Variants in MYOZ2 observed in about 807,000 individuals in gnomAD.
The protein encoded by MYOZ2 is myozenin 2, also known as myozenin-2.
A neutral mutation model predicts 25.4 loss-of-function variants in MYOZ2; 19 were observed. The ratio of observed to expected loss-of-function variants is 0.75; its 90% CI spans 0.52 to 1.10. The LOEUF (loss-of-function observed/expected upper bound fraction) is 1.10. Ranked by LOEUF, MYOZ2 falls within the 50% of genes least tolerant of loss-of-function variation. MYOZ2 has a pLI of 0.00. For synonymous variants in MYOZ2, 92 were observed against 106.9 expected (o/e 0.86, Z 0.86); for missense variants, 270 against 317.9 (o/e 0.85, Z 1.15).
intron 5 of MYOZ2, among the ~76,000 whole-genome samples, chr4:119,181,592 T>C (rs996874707): frequency 6.6e-6 from 1 of 152,192 alleles, no homozygotes. Context: ...TGGAAAATAG[T>C]GGCTACTCAA....
intron 5 of MYOZ2, among the ~76,000 whole-genome samples, chr4:119,170,000 G>C (rs1451555015): frequency 6.6e-6 from 1 of 152,000 alleles, no homozygotes; most frequent in African/African-American, 2.4e-5. Flanking sequence ...TGTTGTCATG[G>C]TGGTGGTGAT....
intron 5 of MYOZ2, among the ~76,000 whole-genome samples, chr4:119,177,556 C>T (rs750217889): frequency 1.2e-4 from 19 of 152,194 alleles, no homozygotes; most frequent in Non-Finnish European, 2.6e-4. Flanking sequence ...CTACTCCTCA[C>T]TGTCAACCAA....
intron 5 of MYOZ2, among the ~76,000 whole-genome samples, chr4:119,178,731 C>T (rs997567741): frequency 6.6e-6 from 1 of 152,122 alleles, no homozygotes; most frequent in Non-Finnish European, 1.5e-5. Flanking sequence ...CTCAGCCTCC[C>T]GAGTAGGTGG....
chr4:119,166,563 A>G (rs140851122), intron 5 of MYOZ2, among the ~76,000 whole-genome samples: 10 of 152,250 alleles, frequency 6.6e-5, no homozygotes, highest in Non-Finnish European at 1.3e-4. Context: ...GACATTGTCT[A>G]GTACGTGCAT....
At chr4:119,174,012 C>T (rs1301827123) in intron 5 of MYOZ2, among the ~76,000 whole-genome samples, 1 of 152,250 alleles carries the variant, frequency 6.6e-6, no homozygotes, top group Non-Finnish European at 1.5e-5. Flanking sequence ...CGGGCCTTAG[C>T]TGCCTTCCCG....
intron 1 of MYOZ2, 56 bp downstream of exon 1, chr4:119,136,038 A>G (rs1441846293): frequency 5.6e-6 from 1 of 177,178 alleles, no homozygotes. Context: ...GGATATTCAG[A>G]GTTGTGACTC....
chr4:119,151,721 C>G (rs1214291084), intron 3 of MYOZ2, among the ~76,000 whole-genome samples: 1 of 152,098 alleles, frequency 6.6e-6, no homozygotes, highest in African/African-American at 2.4e-5. Context: ...GGGAAAATGG[C>G]TTTAAAATTC....
chr4:119,153,696 T>G (rs758726154), intron 3 of MYOZ2, among the ~76,000 whole-genome samples: 15 of 152,114 alleles, frequency 9.9e-5, no homozygotes, highest in Non-Finnish European at 1.9e-4. Flanking sequence ...CCCTGGTAAT[T>G]AATGCCATTT....
intron 5 of MYOZ2, among the ~76,000 whole-genome samples, chr4:119,180,843 A>G (rs1035081286): frequency 6.6e-6 from 1 of 152,166 alleles, no homozygotes; most frequent in East Asian, 1.9e-4. Flanking sequence ...GGCATGAGCC[A>G]TTGTGCCCAG....
At chr4:119,172,051 T>C (rs1010739895) in intron 5 of MYOZ2, among the ~76,000 whole-genome samples, 9 of 152,212 alleles carry the variant, frequency 5.9e-5, no homozygotes, top group African/African-American at 1.9e-4. Flanking sequence ...AATCGGCTTC[T>C]AAGTCTAATC....
intron 5 of MYOZ2, among the ~76,000 whole-genome samples, chr4:119,179,807 G>A (rs1394740905): frequency 2.0e-5 from 3 of 152,208 alleles, no homozygotes; most frequent in Non-Finnish European, 4.4e-5. Flanking sequence ...AGTGAACACT[G>A]TGTTCTCACA....
At position 119,140,799 on chromosome 4, in the gene MYOZ2, A is replaced by G. The variant is rs141909189; in HGVS notation, c.76+4198A>G. Among the ~76,000 whole-genome samples, 672 of 152,254 alleles carry G rather than the reference A, an allele frequency of 4.4e-3. 3 individuals are homozygous for G. The highest frequency in any genetic ancestry group is 0.016 in the African/African-American group (646 of 41,552). ...AATACATTGGTAATGTCATTTTTTGAATGTTTATAGATTTATACAGTTTTT... is the reference window on the plus strand; with the variant it reads ...AATACATTGGTAATGTCATTTTTTGGATGTTTATAGATTTATACAGTTTTT... On this transcript the variant is annotated intron_variant, in intron 2 of 5. Transcript: ENST00000307128.
At position 119,187,786 on chromosome 4, in the gene MYOZ2, T is replaced by G. The variant is rs890060132; in HGVS notation, c.*1586T>G. ...AAATAAAAATTAGGCATATTAATTATGCATTTTGATGAAATGGTTTAATTC... is the reference window on the plus strand; with the variant it reads ...AAATAAAAATTAGGCATATTAATTAGGCATTTTGATGAAATGGTTTAATTC... On this transcript the variant is annotated 3_prime_UTR_variant, in exon 6 of 6. Coordinates refer to ENST00000307128, the MANE Select transcript of MYOZ2 (RefSeq NM_016599.5). 2.6e-5 allele frequency: 4 copies of G among 152,188 alleles called. No homozygotes were observed. Among genetic ancestry groups the G allele is most frequent in the Admixed American group, 2.0e-4 (3 of 15,282 alleles). 9.4% of individuals were successfully genotyped at this position (152,188 alleles called of 1,614,324 possible). A position where few individuals can be genotyped will look rare whatever the true frequency, so the allele number is the denominator to read the frequency against.
chr4:119,142,608 A>C (rs1741181358), intron 2 of MYOZ2, among the ~76,000 whole-genome samples: 1 of 152,176 alleles, frequency 6.6e-6, no homozygotes, highest in Non-Finnish European at 1.5e-5. Flanking sequence ...CCTTTTCCAT[A>C]GGCTATTTCT....
intron 5 of MYOZ2, among the ~76,000 whole-genome samples, chr4:119,176,445 G>T (rs1215947340): frequency 1.3e-5 from 2 of 152,048 alleles, no homozygotes; most frequent in Non-Finnish European, 2.9e-5. Flanking sequence ...CTGGTCTTGA[G>T]CTCCCTACCT....
chr4:119,185,875 T>C, intron 5 of MYOZ2, 91 bp from the exon 6 acceptor site: 1 of 1,082,852 alleles, frequency 9.2e-7, no homozygotes, highest in Non-Finnish European at 1.4e-6. Context: ...AATACACCCA[T>C]AAAATCATGC....
intron 5 of MYOZ2, among the ~76,000 whole-genome samples, chr4:119,175,466 T>G (rs1282070573): frequency 6.6e-6 from 1 of 152,162 alleles, no homozygotes; most frequent in African/African-American, 2.4e-5. Context: ...CTATTCATTC[T>G]TAAAAAACAA....
chr4:119,162,159 G>A (rs1267011019), intron 4 of MYOZ2, among the ~76,000 whole-genome samples: 1 of 152,138 alleles, frequency 6.6e-6, no homozygotes, highest in Non-Finnish European at 1.5e-5. Flanking sequence ...CACATGACAA[G>A]AAGTAGGGAG....
rs2149230846 is a variant in MYOZ2, at chr4:119,186,166, A to G, written c.761A>G (p.Asp254Gly). The G allele has an allele frequency of 6.2e-7, 1 of 1,613,172 alleles. No homozygotes were observed. Among genetic ancestry groups the G allele is most frequent in the South Asian group, 1.1e-5 (1 of 91,054 alleles). Residue 254 changes from aspartate to glycine, a missense_variant, in exon 6 of 6, where the codon GAT becomes GGT. Asp to Gly is a moderately conservative substitution (Grantham distance 94). Transcript: ENST00000307128. ...IPIVITTEPT[D>G]DTTVPESEDL Reference sequence around the variant, plus strand: ...ATAGTGATAACAACCGAACCTACAGATGATACCACTGTACCAGAATCAGAA... The same window carrying G: ...ATAGTGATAACAACCGAACCTACAGGTGATACCACTGTACCAGAATCAGAA...
Sources: allele counts gnomAD v4.1 joint callset (sites outside exome capture counted in the v4.1 genomes callset), GRCh38; gene constraint gnomAD v4.1.1; transcripts MANE v1.5; gene names NCBI Gene and HGNC (gene_info 2026-07-23, HGNC 2026-07-21).